Variants in DISC1 observed in about 807,000 individuals in gnomAD.
The protein encoded by DISC1 is DISC1 scaffold protein.
DISC1 carries 57 observed loss-of-function variants against 84.5 expected under a neutral mutation model. The ratio of observed to expected loss-of-function variants is 0.67; its 90% CI spans 0.55 to 0.84. The LOEUF is 0.84. Ranked by LOEUF, DISC1 falls within the 40% of genes least tolerant of loss-of-function variation. DISC1 has a pLI of 0.00. For missense variants in DISC1, 1,000 were observed against 1,057.8 expected, an observed-to-expected ratio of 0.95 and a Z score of 0.76; for synonymous variants, 411 against 415.2, an observed-to-expected ratio of 0.99 and a Z score of 0.12.
intron 9 of DISC1, among the ~76,000 whole-genome samples, chr1:231,916,827 A>G (rs1463468747): frequency 6.6e-6 from 1 of 152,140 alleles, no homozygotes; most frequent in East Asian, 1.9e-4. Context: ...CCTGTGTGAC[A>G]CCTACCTGGC....
At chr1:231,906,417 C>A (rs2088645262) in intron 9 of DISC1, among the ~76,000 whole-genome samples, 1 of 152,188 alleles carries the variant, frequency 6.6e-6, no homozygotes, top group Non-Finnish European at 1.5e-5. Context: ...CCTACTATTA[C>A]TGAATTCACT....
chr1:232,014,327 C>T (rs142409919), intron 11 of DISC1, among the ~76,000 whole-genome samples: 5 of 152,320 alleles, frequency 3.3e-5, no homozygotes, highest in African/African-American at 1.2e-4. Flanking sequence ...ATATCTCTCC[C>T]ACTTTTGAAA....
At position 231,798,629 on chromosome 1, in the gene DISC1, G is replaced by A. The variant is rs749494051; in HGVS notation, c.1690-1479G>A. ...TGAGCCAAACTAAGACTTGGTGCTG[G>A]GGGAAGGGATATCTTCCTTTTAACT... On this transcript the variant is annotated intron_variant, in intron 7 of 12. Transcript: ENST00000439617. Among the ~76,000 whole-genome samples, 10 of 152,124 alleles carry A rather than the reference G, an allele frequency of 6.6e-5. 1 individual carries two copies. The highest frequency in any genetic ancestry group is 6.6e-5 in the Admixed American group (1 of 15,250).
intron 6 of DISC1, among the ~76,000 whole-genome samples, chr1:231,782,478 A>G (rs1022317008): frequency 6.6e-6 from 1 of 152,222 alleles, no homozygotes; most frequent in East Asian, 1.9e-4. Context: ...AGCTGTGCAT[A>G]TGCTTATTCT....
At chr1:231,856,443 ATC>A (rs2084278733) in intron 9 of DISC1, among the ~76,000 whole-genome samples, 1 of 152,128 alleles carries the variant, frequency 6.6e-6, no homozygotes, top group African/African-American at 2.4e-5. Context: ...TATTGTGGAA[ATC>A]TGTCATATTT....
intron 9 of DISC1, among the ~76,000 whole-genome samples, chr1:231,856,953 A>T (rs1423507563): frequency 6.6e-6 from 1 of 152,206 alleles, no homozygotes; most frequent in Non-Finnish European, 1.5e-5. Context: ...GGCAGCATGA[A>T]AAAAGGGGTC....
chr1:231,812,680 A>G (rs2080421632), intron 8 of DISC1, among the ~76,000 whole-genome samples: 1 of 152,186 alleles, frequency 6.6e-6, no homozygotes. Context: ...ATTCTTCTCC[A>G]CACACATCCT....
At chr1:231,834,684 G>C (rs2082499747) in intron 9 of DISC1, among the ~76,000 whole-genome samples, 1 of 151,986 alleles carries the variant, frequency 6.6e-6, no homozygotes, top group South Asian at 2.1e-4. Flanking sequence ...GGGGGCAATG[G>C]GGGGCAGAAG....
At chr1:231,987,165 T>G (rs894387008) in intron 10 of DISC1, among the ~76,000 whole-genome samples, 1 of 152,182 alleles carries the variant, frequency 6.6e-6, no homozygotes, top group South Asian at 2.1e-4. Context: ...GAAAATAATT[T>G]TATTGTGCTA....
rs180988697 is a variant in DISC1, at chr1:231,669,483, G to A, written c.68-24343G>A. ...TTTTTACAAACTGCATCCAACGAAG[G>A]TCTAATATCCAGCATCTATAGGGAA... On this transcript the variant is annotated intron_variant, in intron 1 of 12. Transcript: ENST00000439617. Among the ~76,000 whole-genome samples the A allele has an allele frequency of 2.0e-4, 30 of 152,034 alleles. No individual in the cohort carries two copies. In the East Asian group the frequency reaches 4.3e-3, roughly 22 times the overall value.
chr1:231,681,002 C>T (rs1370428821), intron 1 of DISC1, among the ~76,000 whole-genome samples: 1 of 152,160 alleles, frequency 6.6e-6, no homozygotes. Context: ...TTTGAAATAA[C>T]AGCTACACAG....
At chr1:231,940,380 C>T (rs549125726) in intron 9 of DISC1, among the ~76,000 whole-genome samples, 3 of 152,200 alleles carry the variant, frequency 2.0e-5, no homozygotes, top group Admixed American at 1.3e-4. Context: ...GGCACTCTCC[C>T]GAGCCAAGGG....
At chr1:231,830,287 G>A (rs1265150547) in intron 9 of DISC1, among the ~76,000 whole-genome samples, 7 of 152,166 alleles carry the variant, frequency 4.6e-5, no homozygotes, top group Middle Eastern at 6.8e-3. Context: ...GATATTGTGC[G>A]GTTGTTAGAA....
intron 1 of DISC1, among the ~76,000 whole-genome samples, chr1:231,671,253 A>G (rs1306958093): frequency 6.6e-6 from 1 of 151,048 alleles, no homozygotes; most frequent in Non-Finnish European, 1.5e-5. Flanking sequence ...TCAATTGTCC[A>G]TATTTTTGTT....
intron 1 of DISC1, among the ~76,000 whole-genome samples, chr1:231,646,979 G>A (rs577502515): frequency 6.6e-6 from 1 of 152,222 alleles, no homozygotes; most frequent in Non-Finnish European, 1.5e-5. Context: ...TGTCAGATGG[G>A]TAGATTGCAA....
At chr1:231,894,197 A>C (rs1558701458) in intron 9 of DISC1, among the ~76,000 whole-genome samples, 1 of 152,214 alleles carries the variant, frequency 6.6e-6, no homozygotes, top group Non-Finnish European at 1.5e-5. Context: ...TCACTCCATG[A>C]ACATATGAAT....
intron 9 of DISC1, among the ~76,000 whole-genome samples, chr1:231,872,898 GC>G (rs2085571323): frequency 6.6e-6 from 1 of 152,162 alleles, no homozygotes; most frequent in African/African-American, 2.4e-5. Flanking sequence ...TAAGAAATTG[GC>G]TTTGACATAC....
chr1:231,985,257 C>G (rs1041137866), intron 10 of DISC1, among the ~76,000 whole-genome samples: 1 of 147,286 alleles, frequency 6.8e-6, no homozygotes, highest in Non-Finnish European at 1.5e-5. Context: ...ACCTGGAAGG[C>G]GGAGGTTGTA....
chr1:231,760,882 C>T (rs2075597770), intron 4 of DISC1, among the ~76,000 whole-genome samples: 3 of 152,196 alleles, frequency 2.0e-5, no homozygotes, highest in Admixed American at 6.5e-5. Flanking sequence ...AGGCTCATCA[C>T]AGGCGTGCAC....
Sources: gnomAD v4.1 joint callset for allele counts (sites outside exome capture counted in the v4.1 genomes callset) on GRCh38, gnomAD v4.1.1 for gene constraint, MANE v1.5 for transcripts, NCBI Gene and HGNC (gene_info 2026-07-23, HGNC 2026-07-21) for gene names.